Variants in REDIC1 observed in about 807,000 individuals in gnomAD.
The protein encoded by REDIC1 is HEI10 Interacting Protein 1.
chr12:39,748,829 T>C, the REDIC1 span, among the ~76,000 whole-genome samples: 3 of 152,124 alleles, frequency 2.0e-5, no homozygotes, highest in African/African-American at 7.2e-5. Flanking sequence ...ACTGGGTACA[T>C]AATGAAATGA....
At chr12:39,885,268 C>T in the REDIC1 span, among the ~76,000 whole-genome samples, 23 of 152,274 alleles carry the variant, frequency 1.5e-4, no homozygotes, top group East Asian at 4.4e-3. Context: ...TTGAAATTCC[C>T]TACTCTCTCA....
chr12:39,713,612 G>T, the REDIC1 span, among the ~76,000 whole-genome samples: 4 of 148,294 alleles, frequency 2.7e-5, no homozygotes, highest in Non-Finnish European at 6.0e-5. Flanking sequence ...ATATACATAT[G>T]TATATACGCA....
chr12:39,754,079 T>TATC, the REDIC1 span, among the ~76,000 whole-genome samples: 1 of 152,154 alleles, frequency 6.6e-6, no homozygotes, highest in Non-Finnish European at 1.5e-5. Context: ...GTTTTTAATC[T>TATC]ATCTGCCTGG....
At chr12:39,888,245 G>GA in the REDIC1 span, among the ~76,000 whole-genome samples, 1 of 152,032 alleles carries the variant, frequency 6.6e-6, no homozygotes, top group Non-Finnish European at 1.5e-5. Context: ...TTTATTTTGA[G>GA]AAGGAGTCTC....
the REDIC1 span, among the ~76,000 whole-genome samples, chr12:39,782,238 A>G: frequency 2.1e-3 from 316 of 152,262 alleles, no homozygotes; most frequent in Non-Finnish European, 3.5e-3. Context: ...TTCCCCAGTA[A>G]CATGGTTTGG....
At chr12:39,698,813 C>G in the REDIC1 span, among the ~76,000 whole-genome samples, 1 of 151,982 alleles carries the variant, frequency 6.6e-6, no homozygotes, top group Non-Finnish European at 1.5e-5. Context: ...ACACAATATA[C>G]CAAAACCTGT....
chr12:39,797,932 T>C, the REDIC1 span, among the ~76,000 whole-genome samples: 10 of 152,212 alleles, frequency 6.6e-5, no homozygotes, highest in African/African-American at 1.7e-4. Context: ...GTGATCTTAC[T>C]TCCTAGTGTT....
chr12:39,841,620 T>C, the REDIC1 span, among the ~76,000 whole-genome samples: 1 of 152,100 alleles, frequency 6.6e-6, no homozygotes, highest in South Asian at 2.1e-4. Context: ...TACATACATG[T>C]ATAAATAACT....
At chr12:39,653,492 GTCTTCTTCTTCT>G in the REDIC1 span, among the ~76,000 whole-genome samples, 1,909 of 54,418 alleles carry the variant, frequency 0.035, 159 homozygotes, top group African/African-American at 0.094. Context: ...CAATCTGGAT[GTCTTCTTCTTCT>G]TCTTCTTCTT....
chr12:39,632,802 T>C, the REDIC1 span, among the ~76,000 whole-genome samples: 39 of 152,340 alleles, frequency 2.6e-4, 1 homozygote, highest in Admixed American at 7.2e-4. Flanking sequence ...ATAGTAAGTA[T>C]TTATGTATCT....
At chr12:39,716,374 G>C in the REDIC1 span, among the ~76,000 whole-genome samples, 27 of 151,954 alleles carry the variant, frequency 1.8e-4, no homozygotes, top group African/African-American at 6.0e-4. Flanking sequence ...TACTAGATTG[G>C]CAAATGTCTG....
the REDIC1 span, among the ~76,000 whole-genome samples, chr12:39,733,937 C>T: frequency 1.3e-5 from 2 of 152,012 alleles, no homozygotes; most frequent in African/African-American, 4.8e-5. Flanking sequence ...GCATTCCAGG[C>T]GCTACTGGGG....
At chr12:39,898,065 G>C in the REDIC1 span, among the ~76,000 whole-genome samples, 2 of 151,916 alleles carry the variant, frequency 1.3e-5, no homozygotes, top group East Asian at 1.9e-4. Context: ...TATTGAGGAG[G>C]CTTTAGCAAA....
chr12:39,774,021 C>T, the REDIC1 span, among the ~76,000 whole-genome samples: 1 of 152,168 alleles, frequency 6.6e-6, no homozygotes, highest in Admixed American at 6.5e-5. Flanking sequence ...GGTCCCTAAG[C>T]TATCACCTCA....
At chr12:39,629,495 T>C in the REDIC1 span, among the ~76,000 whole-genome samples, 1 of 152,342 alleles carries the variant, frequency 6.6e-6, no homozygotes, top group African/African-American at 2.4e-5. Context: ...TACAGTTTTA[T>C]AGTTGCAAAG....
the REDIC1 span, chr12:39,759,862 T>G: frequency 1.8e-6 from 1 of 569,750 alleles, no homozygotes; most frequent in Non-Finnish European, 3.1e-6. Context: ...AAAAAAAAAG[T>G]CATCATGGTT....
the REDIC1 span, among the ~76,000 whole-genome samples, chr12:39,822,164 G>A: frequency 6.8e-6 from 1 of 146,544 alleles, no homozygotes; most frequent in Non-Finnish European, 1.5e-5. Context: ...GTGAGAATAT[G>A]CGGTGTTTGG....
chr12:39,889,987 T>C, the REDIC1 span, among the ~76,000 whole-genome samples: 1 of 152,196 alleles, frequency 6.6e-6, no homozygotes, highest in South Asian at 2.1e-4. Context: ...ATTTTACACT[T>C]CTACATAGTA....
At chr12:39,878,316 G>T in the REDIC1 span, among the ~76,000 whole-genome samples, 1 of 152,156 alleles carries the variant, frequency 6.6e-6, no homozygotes, top group South Asian at 2.1e-4. Flanking sequence ...AATTTGGAGG[G>T]CTCAGAAGAC....
Sources: gnomAD v4.1 joint callset for allele counts (sites outside exome capture counted in the v4.1 genomes callset) on GRCh38, gnomAD v4.1.1 for gene constraint, MANE v1.5 for transcripts, NCBI Gene and HGNC (gene_info 2026-07-23, HGNC 2026-07-21) for gene names.